NAV3: variants seen among roughly 807,000 people sequenced by gnomAD.
NAV3 encodes the protein neuron navigator 3.
Under a neutral mutation model 244.7 loss-of-function variants are expected in NAV3, and 87 were observed. The observed-to-expected ratio is 0.36, with a 90% CI of 0.30 to 0.42. The LOEUF is 0.42. Among genes scored for constraint, NAV3 ranks in the 20% least tolerant of loss-of-function variants. The pLI, the probability that NAV3 is intolerant of heterozygous loss-of-function variation, is 1.00. For missense variants in NAV3, 2,663 were observed against 2,893.3 expected, an observed-to-expected ratio of 0.92 and a Z score of 1.83; for synonymous variants, 1,126 against 1,042.2, an observed-to-expected ratio of 1.08 and a Z score of -1.55.
intron 2 of NAV3, among the ~76,000 whole-genome samples, chr12:77,707,540 A>G (rs1447920072): frequency 6.6e-6 from 1 of 152,150 alleles, no homozygotes; most frequent in African/African-American, 2.4e-5. Flanking sequence ...ATGTGTCTTT[A>G]TAGCAGCATG....
At chr12:77,576,401 A>G (rs1262287747) in intron 2 of NAV3, among the ~76,000 whole-genome samples, 1 of 151,976 alleles carries the variant, frequency 6.6e-6, no homozygotes, top group South Asian at 2.1e-4. Context: ...TTCTCTTTCA[A>G]CTGACATCAA....
intron 2 of NAV3, among the ~76,000 whole-genome samples, chr12:77,677,764 T>A (rs1874272289): frequency 1.3e-5 from 2 of 152,202 alleles, no homozygotes; most frequent in South Asian, 4.1e-4. Flanking sequence ...AATAAATGTG[T>A]TTTGGAACCA....
intron 12 of NAV3, among the ~76,000 whole-genome samples, chr12:78,084,287 C>T (rs543514330): frequency 3.0e-4 from 45 of 152,244 alleles, no homozygotes; most frequent in African/African-American, 1.1e-3. Context: ...CAGCTACCTC[C>T]CTACTGATGG....
At chr12:78,157,022 G>A (rs1326265346) in intron 22 of NAV3, among the ~76,000 whole-genome samples, 2 of 152,026 alleles carry the variant, frequency 1.3e-5, no homozygotes, top group African/African-American at 4.8e-5. Context: ...GCTTGGGTAG[G>A]AAAAACTATA....
At chr12:78,045,005 G>A (rs913359499) in intron 9 of NAV3, among the ~76,000 whole-genome samples, 1 of 152,098 alleles carries the variant, frequency 6.6e-6, no homozygotes, top group African/African-American at 2.4e-5. Flanking sequence ...CTTGTGTTGT[G>A]CAGGTTTTCA....
chr12:77,702,202 G>A (rs1410341316), intron 2 of NAV3, among the ~76,000 whole-genome samples: 2 of 151,952 alleles, frequency 1.3e-5, no homozygotes. Context: ...TATCATTAGT[G>A]CAAAAGGTCC....
intron 2 of NAV3, among the ~76,000 whole-genome samples, chr12:77,646,342 A>G (rs1264354649): frequency 1.3e-5 from 2 of 152,304 alleles, no homozygotes; most frequent in Non-Finnish European, 1.5e-5. Context: ...TACTGCCAGC[A>G]CTGTAATCCA....
At chr12:77,820,061 A>G (rs1383002067) in intron 2 of NAV3, among the ~76,000 whole-genome samples, 1 of 150,220 alleles carries the variant, frequency 6.7e-6, no homozygotes, top group Non-Finnish European at 1.5e-5. Flanking sequence ...CAGTGAGGTC[A>G]GTAGAGAATA....
At chr12:77,601,496 C>T (rs1358830190) in intron 2 of NAV3, among the ~76,000 whole-genome samples, 1 of 151,908 alleles carries the variant, frequency 6.6e-6, no homozygotes, top group Non-Finnish European at 1.5e-5. Context: ...TTTGAAGAGA[C>T]TCTGTGAGCA....
At chr12:77,745,314 C>T (rs1055492498) in intron 2 of NAV3, among the ~76,000 whole-genome samples, 5 of 151,994 alleles carry the variant, frequency 3.3e-5, no homozygotes, top group African/African-American at 1.2e-4. Context: ...AGGTGGCATT[C>T]ATTGGTTCTT....
At chr12:78,029,717 G>A (rs1015132666) in intron 9 of NAV3, among the ~76,000 whole-genome samples, 5 of 152,138 alleles carry the variant, frequency 3.3e-5, no homozygotes, top group African/African-American at 1.2e-4. Context: ...GGTTGCTGTT[G>A]TTTCATAGCT....
chr12:77,895,738 G>GTT lies in NAV3; in HGVS notation c.244-44566_244-44565dup, dbSNP rs11437920. Among the ~76,000 whole-genome samples, 1,096 of 127,976 alleles carry GTT rather than the reference G, an allele frequency of 8.6e-3. 11 individuals are homozygous for GTT. The highest frequency in any genetic ancestry group is 0.018 in the African/African-American group (642 of 35,270). 84.0% of individuals were successfully genotyped at this position (127,976 alleles called of 152,430 possible). A position where few individuals can be genotyped will look rare whatever the true frequency, so the allele number is the denominator to read the frequency against. On this transcript the variant is annotated intron_variant, in intron 1 of 39. Transcript: ENST00000397909. ...TACTACCACATATATGTACCCTCTT[G>GTT]TTTTTTTTTTTTTTTTAATCCTGTC...
rs142075354 is a variant in NAV3 at position 78,035,002 on chromosome 12, A to AT, written c.2023+13141dup. On this transcript the variant is annotated intron_variant, in intron 9 of 39. Transcript: ENST00000397909. Reference sequence around the variant, plus strand: ...TCTTTATTGCAGAATTTTGTCACAAATAATTGCTGTTCTTTCCAGCTAATT... The same window carrying AT: ...TCTTTATTGCAGAATTTTGTCACAAATTAATTGCTGTTCTTTCCAGCTAATT... Among the ~76,000 whole-genome samples, 708 of 152,348 alleles carry AT rather than the reference A, an allele frequency of 4.6e-3. 3 individuals are homozygous for AT. Among genetic ancestry groups the AT allele is most frequent in the African/African-American group, 0.016 (661 of 41,596 alleles).
intron 1 of NAV3, among the ~76,000 whole-genome samples, chr12:77,871,659 T>C (rs1880986226): frequency 6.6e-6 from 1 of 152,228 alleles, no homozygotes; most frequent in Non-Finnish European, 1.5e-5. Context: ...GGTGTATATG[T>C]GCCACATTTT....
intron 12 of NAV3, among the ~76,000 whole-genome samples, chr12:78,085,872 A>T (rs1433974679): frequency 6.6e-6 from 1 of 152,118 alleles, no homozygotes; most frequent in African/African-American, 2.4e-5. Context: ...GCATCTTGAT[A>T]ATAATGCCAA....
intron 2 of NAV3, among the ~76,000 whole-genome samples, chr12:77,592,622 C>A (rs1869958819): frequency 6.6e-6 from 1 of 152,154 alleles, no homozygotes; most frequent in South Asian, 2.1e-4. Context: ...TGTCCTGCAG[C>A]TTAGCAGTTG....
chr12:77,635,971 T>C (rs916168724), intron 2 of NAV3, among the ~76,000 whole-genome samples: 1 of 152,204 alleles, frequency 6.6e-6, no homozygotes, highest in Non-Finnish European at 1.5e-5. Context: ...GAATTAATTT[T>C]TCTTTAAAAA....
chr12:78,188,404 C>A (rs61936253), intron 32 of NAV3, 61 bp downstream of exon 32: 27,350 of 1,403,582 alleles, frequency 0.019, 330 homozygotes, highest in Non-Finnish European at 0.023. Flanking sequence ...AATTGTTTTC[C>A]ATAACTTCAA....
chr12:78,198,797 T>C lies in NAV3; in HGVS notation c.6518+121T>C, dbSNP rs570943669. The C allele has an allele frequency of 2.3e-5, 16 of 684,068 alleles. No individual in the cohort carries two copies. The East Asian group carries it at 4.3e-4, about 19-fold the overall frequency. 42.4% of individuals were successfully genotyped at this position (684,068 alleles called of 1,614,324 possible). On this transcript the variant is annotated intron_variant, in intron 36 of 39. Coordinates refer to ENST00000397909, the MANE Select transcript of NAV3 (RefSeq NM_001024383.2). ...TGTGGTTTGTTTTTCCATTTGTACT[T>C]TGACAAATCTTGCCAGAGATGACCT...
Sources: allele counts gnomAD v4.1 joint callset (sites outside exome capture counted in the v4.1 genomes callset), GRCh38; gene constraint gnomAD v4.1.1; transcripts MANE v1.5; gene names NCBI Gene and HGNC (gene_info 2026-07-23, HGNC 2026-07-21).